DNAH12: variants seen among roughly 807,000 people sequenced by gnomAD.
The protein encoded by DNAH12 is axonemal beta dynein heavy chain 12.
Under a neutral mutation model 371.5 loss-of-function variants are expected in DNAH12, and 285 were observed. That is an observed-to-expected ratio of 0.77 (90% CI 0.70 to 0.85). DNAH12 has a LOEUF of 0.85. DNAH12 is among the 40% of genes least tolerant of loss of function. The probability of loss-of-function intolerance (pLI) is 0.00; values close to 1 mark genes in which losing one functional copy is unlikely to be tolerated. For missense variants in DNAH12, 3,611 were observed against 3,689.4 expected, an observed-to-expected ratio of 0.98 and a Z score of 0.55; for synonymous variants, 1,200 against 1,213.0, an observed-to-expected ratio of 0.99 and a Z score of 0.22.
At chr3:57,476,535 G>A (rs2066531509) in intron 13 of DNAH12, among the ~76,000 whole-genome samples, 2 of 151,900 alleles carry the variant, frequency 1.3e-5, no homozygotes. Context: ...CTGCACTCCA[G>A]CCTGGGTGAC....
rs193187931 is a variant in DNAH12, at chr3:57,317,169, T to C, written c.10525-2538A>G. The stretch of plus-strand genomic sequence containing the variant: ...ACACTATCATGGCTGTTGCGTGCAG[T>C]TGAACATGCAAATTTGTTTGTTTAC... On this transcript the variant is annotated intron_variant, in intron 65 of 73. Coordinates refer to ENST00000495027, the MANE Select transcript of DNAH12 (RefSeq NM_001366028.2). Among the ~76,000 whole-genome samples the C allele has an allele frequency of 3.4e-3, 511 of 152,336 alleles. 1 individual carries two copies. Among genetic ancestry groups the C allele is most frequent in the Non-Finnish European group, 3.9e-3 (265 of 68,038 alleles).
chr3:57,352,082 T>C lies in DNAH12; in HGVS notation c.9674+3A>G. On this transcript the variant is annotated splice_donor_region_variant and intron_variant, in intron 60 of 73. Coordinates refer to ENST00000495027, the MANE Select transcript of DNAH12 (RefSeq NM_001366028.2). ...TAAATTATGGTAAAAGCAAGTAACT[T>C]ACAGAAGAAGATTGGCACATAATAA... The C allele has an allele frequency of 6.6e-7, 1 of 1,504,160 alleles. No homozygotes were observed. Among genetic ancestry groups the C allele is most frequent in the Non-Finnish European group, 8.8e-7 (1 of 1,133,918 alleles). 93.2% of individuals were successfully genotyped at this position (1,504,160 alleles called of 1,614,324 possible).
At chr3:57,348,532 A>G (rs1553658947) in intron 60 of DNAH12, among the ~76,000 whole-genome samples, 1 of 152,190 alleles carries the variant, frequency 6.6e-6, no homozygotes, top group East Asian at 1.9e-4. Flanking sequence ...GCAAGCTCAT[A>G]GATGCTAACA....
At chr3:57,401,891 C>T (rs993830869) in intron 43 of DNAH12, among the ~76,000 whole-genome samples, 3 of 152,222 alleles carry the variant, frequency 2.0e-5, no homozygotes, top group African/African-American at 7.2e-5. Context: ...ATTGGATAAC[C>T]TAGCAGAAAT....
intron 11 of DNAH12, among the ~76,000 whole-genome samples, chr3:57,496,793 ACCC>A (rs1240660290): frequency 1.2e-3 from 176 of 152,270 alleles, no homozygotes; most frequent in African/African-American, 3.9e-3. Flanking sequence ...ACATGGCAAA[ACCC>A]TGTCTCTACT....
intron 5 of DNAH12, among the ~76,000 whole-genome samples, chr3:57,509,686 A>T (rs1453789461): frequency 6.6e-6 from 1 of 151,734 alleles, no homozygotes; most frequent in Non-Finnish European, 1.5e-5. Flanking sequence ...ACATGGTGAA[A>T]CCCCATCTCT....
At chr3:57,363,965 T>C (rs2062993378) in intron 57 of DNAH12, among the ~76,000 whole-genome samples, 179 bp from the exon 58 acceptor site, 1 of 152,150 alleles carries the variant, frequency 6.6e-6, no homozygotes, top group Admixed American at 6.5e-5. Flanking sequence ...AAGCATTAAT[T>C]GTATACACGT....
At chr3:57,313,345 A>T (rs1463317859) in intron 66 of DNAH12, among the ~76,000 whole-genome samples, 1 of 152,114 alleles carries the variant, frequency 6.6e-6, no homozygotes, top group Admixed American at 6.6e-5. Flanking sequence ...AATACGTTTA[A>T]AAAAAACAAC....
At position 57,475,589 on chromosome 3, in the gene DNAH12, A is replaced by T. The variant is rs149009437; in HGVS notation, c.1651-2918T>A. 1.1e-3 allele frequency among the ~76,000 whole-genome samples: 175 copies of T among 152,336 alleles called. No homozygotes were observed. The East Asian group carries it at 0.028, about 25-fold the overall frequency. On this transcript the variant is annotated intron_variant, in intron 13 of 73. Coordinates refer to ENST00000495027, the MANE Select transcript of DNAH12 (RefSeq NM_001366028.2). Reference sequence around the variant, plus strand: ...TTTTACCACTTTTTTAACTGCTACAAATCAATAAGGAAAAGGTACATAACC... The same window carrying T: ...TTTTACCACTTTTTTAACTGCTACATATCAATAAGGAAAAGGTACATAACC...
At chr3:57,426,994 A>G (rs1486256940) in intron 34 of DNAH12, among the ~76,000 whole-genome samples, 1 of 152,186 alleles carries the variant, frequency 6.6e-6, no homozygotes, top group Non-Finnish European at 1.5e-5. Flanking sequence ...CTATGAAGAC[A>G]CTATACAGAA....
chr3:57,441,789 C>G (rs1346178878), intron 29 of DNAH12, among the ~76,000 whole-genome samples: 1 of 151,830 alleles, frequency 6.6e-6, no homozygotes, highest in Non-Finnish European at 1.5e-5. Context: ...GACCCTGTCT[C>G]TAAAAAAAGA....
At chr3:57,359,577 A>AAAAAG (rs1553663715) in intron 58 of DNAH12, among the ~76,000 whole-genome samples, 2 of 145,050 alleles carry the variant, frequency 1.4e-5, no homozygotes, top group Non-Finnish European at 3.0e-5. Context: ...AAAAAAAAAA[A>AAAAAG]AAAGAAAGAA....
At chr3:57,453,989 G>A (rs1178360162) in intron 23 of DNAH12, among the ~76,000 whole-genome samples, 1 of 152,012 alleles carries the variant, frequency 6.6e-6, no homozygotes, top group Non-Finnish European at 1.5e-5. Context: ...GTGTGCCTGT[G>A]GTCCTAGCAA....
At chr3:57,381,014 C>A (rs2063378942) in intron 50 of DNAH12, among the ~76,000 whole-genome samples, 1 of 151,996 alleles carries the variant, frequency 6.6e-6, no homozygotes, top group Non-Finnish European at 1.5e-5. Flanking sequence ...TTCCTTTATT[C>A]TTTGACTCTT....
chr3:57,554,374 GT>G, the DNAH12 span, among the ~76,000 whole-genome samples: 3 of 151,586 alleles, frequency 2.0e-5, no homozygotes. Flanking sequence ...AAAACCAAAT[GT>G]TTTTAGCTTT....
chr3:57,505,517 T>C (rs550602069), intron 8 of DNAH12, among the ~76,000 whole-genome samples: 1 of 151,760 alleles, frequency 6.6e-6, no homozygotes, highest in South Asian at 2.1e-4. Flanking sequence ...CTTGACTCAC[T>C]GCAACCTCTG....
At chr3:57,521,618 T>C (rs934054551) in intron 4 of DNAH12, among the ~76,000 whole-genome samples, 2 of 152,248 alleles carry the variant, frequency 1.3e-5, no homozygotes, top group Admixed American at 1.3e-4. Flanking sequence ...CTGGGTGCGG[T>C]GGCTCCGCCT....
At chr3:57,550,080 G>A in the DNAH12 span, among the ~76,000 whole-genome samples, 2 of 152,040 alleles carry the variant, frequency 1.3e-5, no homozygotes, top group Non-Finnish European at 2.9e-5. Flanking sequence ...AGGCCAAGGT[G>A]GGAAGATCTC....
At chr3:57,527,436 C>T (rs937355149) in intron 2 of DNAH12, among the ~76,000 whole-genome samples, 4 of 152,182 alleles carry the variant, frequency 2.6e-5, no homozygotes, top group Non-Finnish European at 5.9e-5. Flanking sequence ...GCAGGCTGCA[C>T]AGGAAGCATA....
Sources: gnomAD v4.1 joint callset for allele counts (sites outside exome capture counted in the v4.1 genomes callset) on GRCh38, gnomAD v4.1.1 for gene constraint, MANE v1.5 for transcripts, NCBI Gene and HGNC (gene_info 2026-07-23, HGNC 2026-07-21) for gene names.